SULF2: variants seen among roughly 807,000 people sequenced by gnomAD.
SULF2 encodes the protein sulfatase 2, also known as extracellular sulfatase Sulf-2.
In SULF2, 52 loss-of-function variants were observed where a neutral mutation model predicts 107.7. That is an observed-to-expected ratio of 0.48 (90% confidence interval 0.39 to 0.61). The LOEUF (loss-of-function observed/expected upper bound fraction) is 0.61. Among genes scored for constraint, SULF2 ranks in the 20% least tolerant of loss-of-function variants. The pLI, the probability that SULF2 is intolerant of heterozygous loss-of-function variation, is 0.00. For synonymous variants in SULF2, 460 were observed against 464.3 expected (o/e 0.99, Z 0.12); for missense variants, 993 against 1,177.3 (o/e 0.84, Z 2.29).
chr20:47,684,725 G>T, intron 5 of SULF2, 144 bp from the exon 6 acceptor site: 1 of 734,068 alleles, frequency 1.4e-6, no homozygotes, highest in Non-Finnish European at 2.2e-6. Flanking sequence ...TGGGAAAGGG[G>T]ACATTGGCAT....
intron 3 of SULF2, among the ~76,000 whole-genome samples, chr20:47,704,912 A>G (rs2088681925): frequency 6.6e-6 from 1 of 152,076 alleles, no homozygotes; most frequent in Non-Finnish European, 1.5e-5. Flanking sequence ...CCTAGAGGAG[A>G]GGACAACCTA....
intron 3 of SULF2, among the ~76,000 whole-genome samples, chr20:47,718,672 A>G (rs2089197358): frequency 6.6e-6 from 1 of 152,114 alleles, no homozygotes; most frequent in South Asian, 2.1e-4. Flanking sequence ...CATGCGAAAG[A>G]AGTAAAGAGA....
chr20:47,666,435 C>T lies in SULF2; in HGVS notation c.1630G>A (p.Val544Met). Residue 544 changes from valine to methionine, a missense_variant, in exon 12 of 21, where the codon GTG (valine) becomes ATG (methionine). Coordinates refer to ENST00000688720, the MANE Select transcript of SULF2 (RefSeq NM_001387048.1). This position sits in a 1 kb window ranked among gnomAD's most constrained non-coding sequence, Gnocchi z 5.4. ...SRSIRSVAIE[V>M]DGRVYHVGLG... ...CCTACGTGGTACACCCTGCCGTCCA[C>T]CTCGATGGCCACTGAGCGGATGGAG... 1 of 1,613,852 alleles carries T rather than the reference C, an allele frequency of 6.2e-7. No homozygotes were observed.
chr20:47,785,090 G>A (rs1184679867), intron 1 of SULF2, among the ~76,000 whole-genome samples: 1 of 151,942 alleles, frequency 6.6e-6, no homozygotes, highest in Non-Finnish European at 1.5e-5. Flanking sequence ...GGAAGTCCTC[G>A]CCCGCCCGCC....
intron 10 of SULF2, 104 bp downstream of exon 10, chr20:47,676,390 G>T: frequency 7.5e-7 from 1 of 1,326,630 alleles, no homozygotes; most frequent in Non-Finnish European, 1.0e-6. Context: ...ACTACCCGTT[G>T]GGAGGCCCTG....
At chr20:47,759,983 T>C (rs1027543738) in intron 1 of SULF2, among the ~76,000 whole-genome samples, 2 of 152,092 alleles carry the variant, frequency 1.3e-5, no homozygotes, top group Admixed American at 6.5e-5. Flanking sequence ...CACAAAGAAA[T>C]AGATAAATAA....
rs998192163 is a variant in SULF2 at position 47,663,063 on chromosome 20, C to T, written c.2370+7G>A. ...ACCCCCATCCCTCTAGCTCGGGTTG[C>T]CTGTACCTGGTAGGGGTCTGTGTTG... On this transcript the variant is annotated splice_region_variant and intron_variant, in intron 17 of 20. Transcript: ENST00000688720. The T allele has an allele frequency of 1.9e-6, 3 of 1,613,960 alleles. No individual in the cohort carries two copies. The highest frequency in any genetic ancestry group is 2.5e-6 in the Non-Finnish European group (3 of 1,179,992).
At chr20:47,698,564 A>G (rs1469655842) in intron 4 of SULF2, among the ~76,000 whole-genome samples, 2 of 152,196 alleles carry the variant, frequency 1.3e-5, no homozygotes, top group African/African-American at 4.8e-5. Flanking sequence ...AGCTGACAGT[A>G]GAGAGAAATC....
chr20:47,764,877 T>C (rs960985205), intron 1 of SULF2, among the ~76,000 whole-genome samples: 1 of 152,164 alleles, frequency 6.6e-6, no homozygotes, highest in African/African-American at 2.4e-5. Flanking sequence ...TAAGCACTTT[T>C]AGTGTGTGAC....
In SULF2 at chr20:47,684,399, C is replaced by T. The variant is rs750712644; in HGVS notation, c.888+32G>A. On this transcript the variant is annotated intron_variant, in intron 6 of 20. Transcript: ENST00000688720. ...TGGCCTGGCTGGGGGTTCGGAGCCA[C>T]GCCCACCAAGAGGCATGCAGCGGGC... is the stretch of plus-strand genomic sequence containing the variant. 18 of 1,576,024 alleles carry T rather than the reference C, an allele frequency of 1.1e-5. No individual in the cohort carries two copies. The East Asian group carries it at 2.1e-4, about 18-fold the overall frequency.
chr20:47,719,814 A>G (rs1030757694), intron 3 of SULF2, among the ~76,000 whole-genome samples: 1 of 152,214 alleles, frequency 6.6e-6, no homozygotes, highest in Non-Finnish European at 1.5e-5. Flanking sequence ...CAGACAGTAC[A>G]TACACTAATG....
intron 11 of SULF2, among the ~76,000 whole-genome samples, chr20:47,668,699 G>A (rs913239613): frequency 5.9e-5 from 9 of 152,154 alleles, no homozygotes; most frequent in African/African-American, 2.2e-4. Flanking sequence ...GAGCTGGTGT[G>A]GACCAGCTAC....
chr20:47,716,298 A>T (rs1407763993), intron 3 of SULF2, among the ~76,000 whole-genome samples: 1 of 152,242 alleles, frequency 6.6e-6, no homozygotes, highest in South Asian at 2.1e-4. Context: ...TGTGGTCAGG[A>T]GTTCAGGACC....
chr20:47,701,767 CAGG>C (rs1293010520), intron 4 of SULF2, among the ~76,000 whole-genome samples: 1 of 152,208 alleles, frequency 6.6e-6, no homozygotes, highest in African/African-American at 2.4e-5. Flanking sequence ...TAATACTAAG[CAGG>C]AGAAGCCAGA....
intron 3 of SULF2, among the ~76,000 whole-genome samples, chr20:47,713,040 G>C (rs1320140507): frequency 6.6e-6 from 1 of 151,998 alleles, no homozygotes; most frequent in Non-Finnish European, 1.5e-5. Context: ...GACCCTGTCT[G>C]GGGGGCAGGG....
At chr20:47,739,920 G>T (rs1182931454) in intron 2 of SULF2, among the ~76,000 whole-genome samples, 1 of 152,138 alleles carries the variant, frequency 6.6e-6, no homozygotes, top group Non-Finnish European at 1.5e-5. Context: ...CATCACACAG[G>T]ATATGTGCTC....
At chr20:47,772,435 A>G (rs897726717) in intron 1 of SULF2, among the ~76,000 whole-genome samples, 2 of 152,148 alleles carry the variant, frequency 1.3e-5, no homozygotes, top group Non-Finnish European at 2.9e-5. Flanking sequence ...AGATGGCAAC[A>G]GTATAAAGGC....
At chr20:47,675,598 T>C (rs2087613924) in intron 10 of SULF2, among the ~76,000 whole-genome samples, 1 of 152,146 alleles carries the variant, frequency 6.6e-6, no homozygotes. Context: ...ACCAGGGCCC[T>C]GGTTTTGCTT....
intron 3 of SULF2, among the ~76,000 whole-genome samples, chr20:47,713,969 C>T (rs890144250): frequency 2.0e-5 from 3 of 151,886 alleles, no homozygotes; most frequent in African/African-American, 7.3e-5. Flanking sequence ...GTTCATGCCG[C>T]ACAGTGAAGT....
Sources: gnomAD v4.1 joint callset for allele counts (sites outside exome capture counted in the v4.1 genomes callset) on GRCh38, gnomAD v4.1.1 for gene constraint, Gnocchi (gnomAD v3.1) non-coding constraint, MANE v1.5 for transcripts, NCBI Gene and HGNC (gene_info 2026-07-23, HGNC 2026-07-21) for gene names.